The following DAPK1 variants were observed in gnomAD, a reference collection of about 807,000 sequenced individuals.
The protein encoded by DAPK1 is death associated protein kinase 1.
In DAPK1, 56 loss-of-function variants were observed where a neutral mutation model predicts 144.9. That is an observed-to-expected ratio of 0.39 (90% CI 0.31 to 0.48). The LOEUF (loss-of-function observed/expected upper bound fraction) is 0.48. Ranked by LOEUF, DAPK1 falls within the 20% of genes least tolerant of loss-of-function variation. DAPK1 has a pLI of 0.95. For missense variants in DAPK1, 1,454 were observed against 1,875.4 expected, an observed-to-expected ratio of 0.78 and a Z score of 4.15; for synonymous variants, 690 against 749.0, an observed-to-expected ratio of 0.92 and a Z score of 1.29.
intron 2 of DAPK1, among the ~76,000 whole-genome samples, chr9:87,584,929 G>A (rs191420725): frequency 1.4e-3 from 214 of 152,208 alleles, no homozygotes; most frequent in Admixed American, 0.012. Context: ...CACCCACCTC[G>A]GCCTCTCAAA....
chr9:87,650,140 A>G (rs36214014), intron 16 of DAPK1, 22 bp downstream of exon 16: 70 of 1,612,770 alleles, frequency 4.3e-5, no homozygotes, highest in Admixed American at 1.5e-4. Context: ...GGGAAGACTC[A>G]TATGCACTGG....
chr9:87,540,976 A>C (rs1038580705), intron 2 of DAPK1, among the ~76,000 whole-genome samples: 2 of 152,242 alleles, frequency 1.3e-5, no homozygotes, highest in African/African-American at 4.8e-5. Context: ...CTCACACAGG[A>C]ATGAAAGTAA....
rs1282726652 is a variant in DAPK1 at position 87,707,784 on chromosome 9, T to C, written c.*420T>C. 8 of 455,898 alleles carry C rather than the reference T, an allele frequency of 1.8e-5. No homozygotes were observed. The highest frequency in any genetic ancestry group is 2.6e-5 in the Non-Finnish European group (6 of 228,558). 28.2% of individuals were successfully genotyped at this position (455,898 alleles called of 1,614,324 possible). On this transcript the variant is annotated 3_prime_UTR_variant, in exon 26 of 26. Transcript: ENST00000408954. The surrounding 1 kb of genome is among the most constrained non-coding windows in gnomAD (Gnocchi z 4.0). ...ATTTATCCAAAATGTGTATTTCTTA[T>C]ACGCTTTTCTTTGTTATACCATTTC... is the stretch of plus-strand genomic sequence containing the variant.
chr9:87,502,432 A>T (rs1232163504), intron 2 of DAPK1, among the ~76,000 whole-genome samples: 1 of 152,128 alleles, frequency 6.6e-6, no homozygotes, highest in Non-Finnish European at 1.5e-5. Context: ...ATCTGCTATT[A>T]TACCGAGGTG....
intron 17 of DAPK1, chr9:87,657,329 A>G (rs1830661253): frequency 6.5e-6 from 1 of 152,760 alleles, no homozygotes; most frequent in Non-Finnish European, 1.5e-5. Context: ...CACTTCTGAA[A>G]CCTTGGACTC....
At chr9:87,541,522 T>C (rs556481164) in intron 2 of DAPK1, among the ~76,000 whole-genome samples, 179 of 148,982 alleles carry the variant, frequency 1.2e-3, no homozygotes, top group Non-Finnish European at 2.3e-3. Context: ...CCACTCCAGC[T>C]TGGGCAACAG....
intron 3 of DAPK1, among the ~76,000 whole-genome samples, chr9:87,609,037 G>A (rs1272223256): frequency 6.6e-6 from 1 of 152,180 alleles, no homozygotes; most frequent in Non-Finnish European, 1.5e-5. Flanking sequence ...ACACATTCGG[G>A]AATGTGGGTG....
chr9:87,703,792 G>A (rs1283870608), intron 25 of DAPK1, among the ~76,000 whole-genome samples: 1 of 152,168 alleles, frequency 6.6e-6, no homozygotes, highest in African/African-American at 2.4e-5. Context: ...GCTTTGCTCT[G>A]GTTCTGTGAC....
chr9:87,632,336 G>A, intron 3 of DAPK1: 1 of 984,384 alleles, frequency 1.0e-6, no homozygotes, highest in Non-Finnish European at 1.2e-6. Flanking sequence ...TAGGGACAAG[G>A]AGGATGAGTA....
At chr9:87,535,463 T>G (rs1303134492) in intron 2 of DAPK1, among the ~76,000 whole-genome samples, 1 of 152,182 alleles carries the variant, frequency 6.6e-6, no homozygotes, top group African/African-American at 2.4e-5. Context: ...CAGCTGAACA[T>G]TTGAAACTTG....
intron 19 of DAPK1, among the ~76,000 whole-genome samples, chr9:87,672,848 G>A (rs542392623): frequency 3.0e-4 from 46 of 152,314 alleles, no homozygotes; most frequent in African/African-American, 1.1e-3. Context: ...GCTGAGGATT[G>A]TGGGGAGCCC....
At chr9:87,634,414 C>T (rs770689245) in intron 3 of DAPK1, among the ~76,000 whole-genome samples, 2 of 152,190 alleles carry the variant, frequency 1.3e-5, no homozygotes, top group African/African-American at 4.8e-5. Context: ...GGTTTCTCCA[C>T]GTGGCACAGT....
intron 17 of DAPK1, 176 bp from the exon 18 acceptor site, chr9:87,657,853 G>A (rs1243981495): frequency 1.6e-6 from 1 of 614,598 alleles, no homozygotes; most frequent in Non-Finnish European, 2.9e-6. Flanking sequence ...AAAGTACTTG[G>A]AAAGGTTCTG....
chr9:87,576,164 GTGCACACACGCA>G (rs1176930140), intron 2 of DAPK1, among the ~76,000 whole-genome samples: 1 of 152,130 alleles, frequency 6.6e-6, no homozygotes, highest in Non-Finnish European at 1.5e-5. Context: ...GTACACACAC[GTGCACACACGCA>G]TGCACACACA....
Position 87,686,486 on chromosome 9 carries a change from C to A in DAPK1, c.2225-65C>A. 1 of 923,590 alleles carries A rather than the reference C, an allele frequency of 1.1e-6. No homozygotes were observed. Among genetic ancestry groups the A allele is most frequent in the South Asian group, 1.5e-5 (1 of 66,292 alleles). The allele number at this position is 923,590 out of a possible 1,614,324, so 57.2% of individuals were successfully genotyped here. ...CCAGAAAAGGAAACCTCAGGGCCAG[C>A]CTGGGAGGGAGACAGGCACACGCTG... On this transcript the variant is annotated intron_variant, in intron 20 of 25. Transcript: ENST00000408954. This position sits in a 1 kb window ranked among gnomAD's most constrained non-coding sequence, Gnocchi z 4.2.
At chr9:87,529,153 G>A (rs1255526021) in intron 2 of DAPK1, among the ~76,000 whole-genome samples, 15 of 152,190 alleles carry the variant, frequency 9.9e-5, no homozygotes, top group African/African-American at 3.6e-4. Flanking sequence ...AAGTCAAAAT[G>A]TTAAACCGCG....
intron 2 of DAPK1, among the ~76,000 whole-genome samples, chr9:87,531,187 G>A (rs945361837): frequency 9.2e-5 from 14 of 152,128 alleles, no homozygotes; most frequent in Admixed American, 5.2e-4. Context: ...CAAGCTTTTC[G>A]TTTCCACTGC....
At chr9:87,504,524 C>T (rs1824518223) in intron 2 of DAPK1, among the ~76,000 whole-genome samples, 2 of 152,094 alleles carry the variant, frequency 1.3e-5, no homozygotes, top group South Asian at 4.2e-4. Flanking sequence ...TCTTGGTCCC[C>T]CATGCTCTTT....
chr9:87,701,580 G>A (rs1227045798), intron 24 of DAPK1, among the ~76,000 whole-genome samples: 2 of 152,136 alleles, frequency 1.3e-5, no homozygotes, highest in Non-Finnish European at 1.5e-5. Flanking sequence ...AAAGCTCTCC[G>A]GAATTGGTAA....
Sources: allele counts gnomAD v4.1 joint callset (sites outside exome capture counted in the v4.1 genomes callset), GRCh38; gene constraint gnomAD v4.1.1; non-coding constraint Gnocchi (gnomAD v3.1); transcripts MANE v1.5; gene names NCBI Gene and HGNC (gene_info 2026-07-23, HGNC 2026-07-21).